ATP8A1: variants seen among roughly 807,000 people sequenced by gnomAD.
ATP8A1 encodes phospholipid-transporting ATPase IA.
A neutral mutation model predicts 177.7 loss-of-function variants in ATP8A1; 90 were observed. The observed-to-expected ratio is 0.51, with a 90% CI of 0.43 to 0.60. The LOEUF is 0.60. ATP8A1 is among the 20% of genes least tolerant of loss of function. The probability of loss-of-function intolerance (pLI) is 0.00; values close to 1 mark genes in which losing one functional copy is unlikely to be tolerated. For missense variants in ATP8A1, 1,072 were observed against 1,392.8 expected (o/e 0.77, Z 3.67); for synonymous variants, 493 against 485.9 (o/e 1.01, Z -0.19).
intron 4 of ATP8A1, among the ~76,000 whole-genome samples, chr4:42,618,315 A>C (rs887603231): frequency 2.6e-5 from 4 of 152,102 alleles, no homozygotes; most frequent in Non-Finnish European, 5.9e-5. Context: ...CTAACTCCAT[A>C]TTCTCTTCTT....
intron 21 of ATP8A1, among the ~76,000 whole-genome samples, chr4:42,524,313 T>C (rs1017993030): frequency 5.9e-5 from 9 of 152,194 alleles, no homozygotes; most frequent in African/African-American, 1.9e-4. Flanking sequence ...ATAACAATTT[T>C]AATAGTTACG....
chr4:42,423,106 A>G (rs1281484123), intron 34 of ATP8A1, among the ~76,000 whole-genome samples: 1 of 152,150 alleles, frequency 6.6e-6, no homozygotes, highest in Non-Finnish European at 1.5e-5. Flanking sequence ...TAGGTTTACA[A>G]TATTGAAACT....
intron 20 of ATP8A1, among the ~76,000 whole-genome samples, chr4:42,525,356 T>A (rs1726570807): frequency 6.6e-6 from 1 of 152,200 alleles, no homozygotes; most frequent in Non-Finnish European, 1.5e-5. Context: ...ATCACAGAAC[T>A]TTTTAGGGTT....
chr4:42,423,629 A>T lies in ATP8A1; in HGVS notation c.3200T>A (p.Val1067Glu), dbSNP rs1459298855. The change falls in exon 34 of 37, where the codon GTG becomes GAG. Residue 1067 changes from valine (V) to glutamate (E), a missense_variant. This residue lies in a region of ATP8A1 where 316 missense variants were observed against 459.1 expected (regional missense o/e 0.69). Transcript: ENST00000381668. ...FIPVASLLLD[V>E]VYKVIKRTAF... ...AGTATATACTTACACCTTGTACACC[A>T]CATCAAGGAGCAGAGATGCCACAGG... The T allele has an allele frequency of 6.2e-7, 1 of 1,610,634 alleles. No homozygotes were observed. Among genetic ancestry groups the T allele is most frequent in the Non-Finnish European group, 8.5e-7 (1 of 1,177,776 alleles).
intron 27 of ATP8A1, among the ~76,000 whole-genome samples, chr4:42,458,216 A>T (rs1718701189): frequency 6.6e-6 from 1 of 152,236 alleles, no homozygotes; most frequent in South Asian, 2.1e-4. Context: ...AAATTATCCC[A>T]AACACATAAA....
At chr4:42,519,405 T>C (rs1190588268) in intron 22 of ATP8A1, among the ~76,000 whole-genome samples, 1 of 152,190 alleles carries the variant, frequency 6.6e-6, no homozygotes, top group Non-Finnish European at 1.5e-5. Context: ...ATTTTGTCTA[T>C]TCTTTTTCCC....
At chr4:42,437,950 A>C (rs1037205635) in intron 33 of ATP8A1, among the ~76,000 whole-genome samples, 3 of 152,232 alleles carry the variant, frequency 2.0e-5, no homozygotes, top group Non-Finnish European at 4.4e-5. Context: ...GCAGAGACAA[A>C]GGCAGCTAAG....
chr4:42,655,993 T>C (rs1741570951), intron 1 of ATP8A1, among the ~76,000 whole-genome samples: 1 of 152,216 alleles, frequency 6.6e-6, no homozygotes, highest in African/African-American at 2.4e-5. Context: ...TTTACAGTCT[T>C]GGCTTTGACG....
At chr4:42,589,007 C>T (rs1429726627) in intron 7 of ATP8A1, among the ~76,000 whole-genome samples, 1 of 152,192 alleles carries the variant, frequency 6.6e-6, no homozygotes, top group African/African-American at 2.4e-5. Context: ...TCAGCTAGGC[C>T]ATATTGCTCC....
chr4:42,479,582 T>G (rs1206580158), intron 25 of ATP8A1, among the ~76,000 whole-genome samples: 2 of 152,202 alleles, frequency 1.3e-5, no homozygotes, highest in African/African-American at 2.4e-5. Flanking sequence ...AGATTTGTAT[T>G]TCACTGAAGA....
chr4:42,480,145 T>A (rs1721523996), intron 25 of ATP8A1, among the ~76,000 whole-genome samples: 1 of 152,118 alleles, frequency 6.6e-6, no homozygotes. Context: ...TATATATTTT[T>A]AGACATTTTA....
intron 27 of ATP8A1, among the ~76,000 whole-genome samples, chr4:42,464,204 T>C (rs2153182790): frequency 6.6e-6 from 1 of 152,174 alleles, no homozygotes; most frequent in East Asian, 1.9e-4. Context: ...TCAACACTTC[T>C]TATCAAAGCA....
intron 14 of ATP8A1, 23 bp from the exon 15 acceptor site, chr4:42,569,228 C>T: frequency 6.3e-7 from 1 of 1,590,788 alleles, no homozygotes; most frequent in Admixed American, 1.7e-5. Flanking sequence ...AGAAGAGAGG[C>T]AGAAAGAGAG....
intron 21 of ATP8A1, among the ~76,000 whole-genome samples, chr4:42,523,291 G>C (rs1026733439): frequency 1.3e-5 from 2 of 152,144 alleles, no homozygotes; most frequent in African/African-American, 4.8e-5. Context: ...AGCTACCCAA[G>C]GAAGCAGTTA....
intron 22 of ATP8A1, among the ~76,000 whole-genome samples, chr4:42,511,527 T>C (rs1725004160): frequency 6.6e-6 from 1 of 152,218 alleles, no homozygotes; most frequent in South Asian, 2.1e-4. Flanking sequence ...ATAATATAGA[T>C]TTAGTTATCA....
chr4:42,419,548 G>C (rs962446904), intron 35 of ATP8A1, among the ~76,000 whole-genome samples: 1 of 152,146 alleles, frequency 6.6e-6, no homozygotes, highest in African/African-American at 2.4e-5. Context: ...CTGGGAATTG[G>C]AGTGCCTAGT....
chr4:42,482,724 G>A (rs1261864293), intron 25 of ATP8A1, among the ~76,000 whole-genome samples: 1 of 152,156 alleles, frequency 6.6e-6, no homozygotes, highest in Admixed American at 6.5e-5. Context: ...ATGCAATCCT[G>A]ATGATGGAAC....
At chr4:42,520,149 G>A (rs1725967103) in intron 22 of ATP8A1, among the ~76,000 whole-genome samples, 1 of 152,186 alleles carries the variant, frequency 6.6e-6, no homozygotes, top group African/African-American at 2.4e-5. Context: ...AGGGCATCCA[G>A]AGAGTAAGGA....
chr4:42,637,316 C>G, intron 1 of ATP8A1: 1 of 463,274 alleles, frequency 2.2e-6, no homozygotes, highest in South Asian at 1.6e-5. Context: ...GAGTCCAGCA[C>G]GTTCTGGGAC....
Sources: gnomAD v4.1 joint callset for allele counts (sites outside exome capture counted in the v4.1 genomes callset) on GRCh38, gnomAD v4.1.1 for gene constraint, gnomAD v4.1.1 regional missense constraint, MANE v1.5 for transcripts, NCBI Gene and HGNC (gene_info 2026-07-23, HGNC 2026-07-21) for gene names.